The following PICALM variants were observed in gnomAD, a reference collection of about 807,000 sequenced individuals.
PICALM encodes the protein phosphatidylinositol binding clathrin assembly protein.
A neutral mutation model predicts 80.5 loss-of-function variants in PICALM; 40 were observed. The ratio of observed to expected loss-of-function variants is 0.50; its 90% CI spans 0.39 to 0.65. The LOEUF (loss-of-function observed/expected upper bound fraction) is 0.65, where lower values mean the gene tolerates loss of function less well. Ranked by LOEUF, PICALM falls within the 30% of genes least tolerant of loss-of-function variation. The pLI, the probability that PICALM is intolerant of heterozygous loss-of-function variation, is 0.00. For synonymous variants in PICALM, 288 were observed against 260.3 expected (o/e 1.11, Z -1.02); for missense variants, 676 against 778.9 (o/e 0.87, Z 1.57).
intron 11 of PICALM, 125 bp downstream of exon 11, chr11:86,000,518 G>A (rs931244950): frequency 3.4e-5 from 22 of 644,116 alleles, no homozygotes; most frequent in Middle Eastern, 4.3e-4. Context: ...ACCATTTATC[G>A]CCACCTCTTT....
At chr11:85,978,533 G>A (rs1255192587) in intron 17 of PICALM, 1 of 152,328 alleles carries the variant, frequency 6.6e-6, no homozygotes, top group African/African-American at 2.4e-5. Flanking sequence ...CCTTGACAGT[G>A]TTTAAGGATT....
chr11:86,059,910 A>G (rs1332557267), intron 1 of PICALM, among the ~76,000 whole-genome samples: 1 of 152,066 alleles, frequency 6.6e-6, no homozygotes, highest in Non-Finnish European at 1.5e-5. Context: ...CAAGAGTTCC[A>G]ATTAATAACT....
intron 19 of PICALM, among the ~76,000 whole-genome samples, chr11:85,962,982 C>A (rs1355982621): frequency 6.6e-6 from 1 of 152,064 alleles, no homozygotes; most frequent in Non-Finnish European, 1.5e-5. Flanking sequence ...TTCAGTAGCC[C>A]AATTACTGCT....
intron 6 of PICALM, among the ~76,000 whole-genome samples, chr11:86,011,396 T>A (rs2095391629): frequency 6.6e-6 from 1 of 152,220 alleles, no homozygotes; most frequent in East Asian, 1.9e-4. Context: ...ATTACCTAAG[T>A]ACATATTTGT....
chr11:86,022,996 T>C (rs566702325), intron 3 of PICALM, among the ~76,000 whole-genome samples: 13 of 152,136 alleles, frequency 8.5e-5, no homozygotes, highest in Non-Finnish European at 1.6e-4. Flanking sequence ...ACAAAAACAA[T>C]TATATGAATG....
chr11:86,069,043 G>A lies in PICALM; in HGVS notation c.-263C>T, dbSNP rs2096486548. ...CCCACCCCTTCCCGGGTCAGCTGGA[G>A]CCGGGCAGGGTAAGAGGAACAGGCA... On this transcript the variant is annotated 5_prime_UTR_variant, in exon 1 of 20. Transcript: ENST00000393346. 2.3e-6 allele frequency: 1 copy of A among 443,326 alleles called. No individual in the cohort carries two copies. Among genetic ancestry groups the A allele is most frequent in the East Asian group, 3.8e-5 (1 of 25,988 alleles). The allele number at this position is 443,326 out of a possible 1,614,324, so 27.5% of individuals were successfully genotyped here.
At chr11:85,980,972 T>C (rs950584078) in intron 17 of PICALM, among the ~76,000 whole-genome samples, 157 bp downstream of exon 17, 6 of 152,228 alleles carry the variant, frequency 3.9e-5, no homozygotes, top group Non-Finnish European at 7.3e-5. Context: ...CTGGTAAATA[T>C]AGGCAACCAG....
chr11:86,010,631 A>C (rs1263352805), intron 7 of PICALM, among the ~76,000 whole-genome samples: 7 of 152,080 alleles, frequency 4.6e-5, no homozygotes, highest in Non-Finnish European at 8.8e-5. Context: ...CAACGAAAAC[A>C]TTTTGAACTA....
intron 12 of PICALM, among the ~76,000 whole-genome samples, chr11:85,995,840 T>C (rs563929278): frequency 7.2e-5 from 11 of 152,286 alleles, no homozygotes; most frequent in Non-Finnish European, 1.5e-4. Context: ...GAAATAATTC[T>C]AAAATACTTA....
chr11:86,012,268 C>T lies in PICALM; in HGVS notation c.658+13G>A, dbSNP rs774791703. Reference sequence around the variant, plus strand: ...CAAGATAAGAAATGTTATTAGGCTACAGCAGTATTTACCCAACAAATTAAT... The same window carrying T: ...CAAGATAAGAAATGTTATTAGGCTATAGCAGTATTTACCCAACAAATTAAT... On this transcript the variant is annotated intron_variant, in intron 6 of 19. Coordinates refer to ENST00000393346, the MANE Select transcript of PICALM (RefSeq NM_007166.4). 4.5e-6 allele frequency: 6 copies of T among 1,347,744 alleles called. No homozygotes were observed. Among genetic ancestry groups the T allele is most frequent in the Non-Finnish European group, 5.3e-6 (5 of 940,944 alleles). The allele number at this position is 1,347,744 out of a possible 1,614,324, so 83.5% of individuals were successfully genotyped here.
At chr11:85,966,660 T>C (rs1436828082) in intron 19 of PICALM, among the ~76,000 whole-genome samples, 1 of 152,176 alleles carries the variant, frequency 6.6e-6, no homozygotes, top group African/African-American at 2.4e-5. Flanking sequence ...CTGGTGCCCA[T>C]AAATTTGACC....
intron 6 of PICALM, among the ~76,000 whole-genome samples, chr11:86,011,888 T>A (rs978584171): frequency 6.6e-6 from 1 of 151,398 alleles, no homozygotes; most frequent in South Asian, 2.1e-4. Context: ...TTCGCTCTTG[T>A]TGCCCAGGCT....
intron 1 of PICALM, among the ~76,000 whole-genome samples, chr11:86,039,051 T>C (rs969809264): frequency 1.3e-5 from 2 of 149,978 alleles, no homozygotes; most frequent in African/African-American, 4.9e-5. Flanking sequence ...GCAGAGGTTG[T>C]GGTGAGCCAA....
At chr11:85,989,358 T>C (rs2094689334) in intron 13 of PICALM, among the ~76,000 whole-genome samples, 1 of 152,306 alleles carries the variant, frequency 6.6e-6, no homozygotes, top group Non-Finnish European at 1.5e-5. Flanking sequence ...TCCTCTCACT[T>C]ATATATATCT....
At chr11:86,047,853 A>G (rs1490993443) in intron 1 of PICALM, among the ~76,000 whole-genome samples, 1 of 152,196 alleles carries the variant, frequency 6.6e-6, no homozygotes, top group African/African-American at 2.4e-5. Flanking sequence ...TAATACCAGC[A>G]CTTTGGGAGG....
intron 13 of PICALM, among the ~76,000 whole-genome samples, chr11:85,985,797 T>C (rs935964672): frequency 2.6e-5 from 4 of 152,236 alleles, no homozygotes; most frequent in Admixed American, 2.6e-4. Flanking sequence ...GTAATAATCT[T>C]GGCTATTGAT....
intron 1 of PICALM, among the ~76,000 whole-genome samples, chr11:86,039,366 C>T (rs994652926): frequency 6.6e-6 from 1 of 151,968 alleles, no homozygotes; most frequent in Non-Finnish European, 1.5e-5. Flanking sequence ...ACAACCACTG[C>T]CCTCCAGCCT....
At position 85,958,855 on chromosome 11, in the gene PICALM, T is replaced by G; in HGVS notation, c.*191A>C. On this transcript the variant is annotated 3_prime_UTR_variant, in exon 20 of 20. Transcript: ENST00000393346. ...CATAGCAATTCTTGGCTTTATAAAC[T>G]GTATTGATACGTTCTCCTATAAACT... The G allele has an allele frequency of 4.4e-6, 2 of 451,932 alleles. No homozygotes were observed. Among genetic ancestry groups the G allele is most frequent in the Non-Finnish European group, 8.1e-6 (2 of 247,782 alleles). 28.0% of individuals were successfully genotyped at this position (451,932 alleles called of 1,614,324 possible).
At position 86,068,851 on chromosome 11, in the gene PICALM, T is replaced by TCCCCACC; in HGVS notation, c.-78_-72dup. The TCCCCACC allele has an allele frequency of 7.4e-6, 11 of 1,492,854 alleles. No individual in the cohort carries two copies. The highest frequency in any genetic ancestry group is 9.8e-6 in the Non-Finnish European group (11 of 1,123,946). 92.5% of individuals were successfully genotyped at this position (1,492,854 alleles called of 1,614,324 possible). A position where few individuals can be genotyped will look rare whatever the true frequency, so the allele number is the denominator to read the frequency against. ...ACTGGGACCCCCAAGAGCCGGAGGG[T>TCCCCACC]CCCCACCCCCCACCGCACCCCCTAC... On this transcript the variant is annotated 5_prime_UTR_variant, in exon 1 of 20. Transcript: ENST00000393346.
Sources: gnomAD v4.1 joint callset for allele counts (sites outside exome capture counted in the v4.1 genomes callset) on GRCh38, gnomAD v4.1.1 for gene constraint, MANE v1.5 for transcripts, NCBI Gene and HGNC (gene_info 2026-07-23, HGNC 2026-07-21) for gene names.